The following ZMAT4 variants were observed in gnomAD, a reference collection of about 807,000 sequenced individuals.
The protein encoded by ZMAT4 is zinc finger matrin-type protein 4.
In ZMAT4, 17 loss-of-function variants were observed where a neutral mutation model predicts 28.7. The ratio of observed to expected loss-of-function variants is 0.59; its 90% CI spans 0.41 to 0.89. The LOEUF is 0.89. Among genes scored for constraint, ZMAT4 ranks in the 40% least tolerant of loss-of-function variants. The pLI, the probability that ZMAT4 is intolerant of heterozygous loss-of-function variation, is 0.00. For synonymous variants in ZMAT4, 117 were observed against 109.2 expected (o/e 1.07, Z -0.44); for missense variants, 240 against 283.8 (o/e 0.85, Z 1.11).
chr8:40,828,958 GA>G (rs113908008), intron 1 of ZMAT4, among the ~76,000 whole-genome samples: 19,415 of 143,002 alleles, frequency 0.14, 1,574 homozygotes, highest in Middle Eastern at 0.19. Context: ...TAAGAAAAAG[GA>G]AAAAAAAAAA....
At chr8:40,642,105 A>C (rs12114099) in intron 5 of ZMAT4, among the ~76,000 whole-genome samples, 19,088 of 152,154 alleles carry the variant, frequency 0.13, 1,495 homozygotes, top group African/African-American at 0.22. Flanking sequence ...TGCTCAATTA[A>C]ATTTGAATTT....
At chr8:40,688,338 C>T (rs1809509903) in intron 4 of ZMAT4, among the ~76,000 whole-genome samples, 1 of 152,028 alleles carries the variant, frequency 6.6e-6, no homozygotes. Flanking sequence ...CACCTGTAAT[C>T]CCAGCTGCTC....
rs1375572348 is a variant in ZMAT4 at position 40,786,669 on chromosome 8, C to T, written c.103-18939G>A. 2.3e-6 allele frequency: 3 copies of T among 1,285,340 alleles called. No homozygotes were observed. The South Asian group carries it at 3.7e-5, about 16-fold the overall frequency. 79.6% of individuals were successfully genotyped at this position (1,285,340 alleles called of 1,614,324 possible). The stretch of plus-strand genomic sequence containing the variant: ...CATTCATTAACCATCCTCATTCAGT[C>T]CTTGTGCCTCCCAACTTACGGGTCA... On this transcript the variant is annotated intron_variant, in intron 2 of 6. Transcript: ENST00000297737.
At chr8:40,533,929 A>G (rs573503005) in intron 6 of ZMAT4, among the ~76,000 whole-genome samples, 2 of 152,220 alleles carry the variant, frequency 1.3e-5, no homozygotes, top group African/African-American at 2.4e-5. Flanking sequence ...AAATAAGTAT[A>G]ATTTCATTTT....
intron 1 of ZMAT4, among the ~76,000 whole-genome samples, chr8:40,833,545 A>AAAAAAAAAAAAAAAAAAAAAAAAAAAAAC (rs1816367040): frequency 6.9e-6 from 1 of 144,586 alleles, no homozygotes. Flanking sequence ...TCCAGCAAAA[A>AAAAAAAAAAAAAAAAAAAAAAAAAAAAAC]AAAAAAAAAA....
intron 1 of ZMAT4, among the ~76,000 whole-genome samples, chr8:40,857,995 A>G (rs1483243666): frequency 1.3e-5 from 2 of 152,156 alleles, no homozygotes; most frequent in Admixed American, 1.3e-4. Context: ...AAGAACAATG[A>G]TTGCCTCTGG....
At chr8:40,713,151 A>T (rs1810699394) in intron 3 of ZMAT4, among the ~76,000 whole-genome samples, 1 of 152,216 alleles carries the variant, frequency 6.6e-6, no homozygotes, top group Non-Finnish European at 1.5e-5. Context: ...AAACAACAAA[A>T]TAACACATTC....
intron 5 of ZMAT4, among the ~76,000 whole-genome samples, chr8:40,603,065 C>A (rs1204419830): frequency 6.6e-6 from 1 of 152,118 alleles, no homozygotes. Context: ...AGTCTTTGAT[C>A]CATCTTGAGT....
At chr8:40,819,375 G>C (rs1216809036) in intron 2 of ZMAT4, among the ~76,000 whole-genome samples, 1 of 152,132 alleles carries the variant, frequency 6.6e-6, no homozygotes, top group Non-Finnish European at 1.5e-5. Flanking sequence ...ACAGACCAAT[G>C]CTCAATGTAT....
intron 5 of ZMAT4, among the ~76,000 whole-genome samples, chr8:40,589,766 C>CTTTCTTTCTTTCTTTCTTTCTT (rs1308357546): frequency 1.2e-3 from 160 of 134,676 alleles, no homozygotes; most frequent in African/African-American, 3.9e-3. Context: ...CTTTCTTTTT[C>CTTTCTTTCTTTCTTTCTTTCTT]TTTCTTTCTT....
chr8:40,810,307 G>A (rs989223320), intron 2 of ZMAT4, among the ~76,000 whole-genome samples: 4 of 152,096 alleles, frequency 2.6e-5, no homozygotes, highest in African/African-American at 7.2e-5. Flanking sequence ...AATAAAAGAA[G>A]ATAGATACGT....
intron 3 of ZMAT4, among the ~76,000 whole-genome samples, chr8:40,723,311 G>T (rs547227914): frequency 1.6e-3 from 250 of 152,236 alleles, no homozygotes; most frequent in African/African-American, 5.6e-3. Flanking sequence ...GGGAGGCCAA[G>T]GTGGGCAGAT....
intron 5 of ZMAT4, among the ~76,000 whole-genome samples, chr8:40,651,969 C>A (rs1369322700): frequency 1.9e-5 from 2 of 106,902 alleles, no homozygotes; most frequent in African/African-American, 3.2e-5. Context: ...GACCTAAAAC[C>A]ATAAAAACCC....
At chr8:40,704,373 T>G (rs1034064722) in intron 3 of ZMAT4, among the ~76,000 whole-genome samples, 1 of 152,186 alleles carries the variant, frequency 6.6e-6, no homozygotes, top group Non-Finnish European at 1.5e-5. Context: ...TGGGTCAAGC[T>G]GTTCTCTCTC....
chr8:40,776,098 T>G (rs544267576), intron 2 of ZMAT4, among the ~76,000 whole-genome samples: 14 of 152,348 alleles, frequency 9.2e-5, no homozygotes, highest in African/African-American at 3.4e-4. Context: ...GGTATCTTGT[T>G]ATGACACAGC....
rs1460904915 is a variant in ZMAT4, at chr8:40,881,543, A to AAAG, written c.-5+16137_-5+16139dup. On this transcript the variant is annotated intron_variant, in intron 1 of 6. Coordinates refer to ENST00000297737, the MANE Select transcript of ZMAT4 (RefSeq NM_024645.3). ...GAGAGAGAGACAGAAAGAAAGAAAG[A>AAAG]AAGAAAGAAAGAAAGAAAGAAAGAA... Among the ~76,000 whole-genome samples the AAAG allele has an allele frequency of 3.0e-5, 2 of 65,864 alleles. 1 individual carries two copies. Among genetic ancestry groups the AAAG allele is most frequent in the African/African-American group, 1.3e-4 (2 of 15,312 alleles). The allele number at this position is 65,864 out of a possible 152,430, so 43.2% of individuals were successfully genotyped here.
intron 5 of ZMAT4, among the ~76,000 whole-genome samples, chr8:40,640,820 A>T (rs1015154865): frequency 1.3e-5 from 2 of 151,926 alleles, no homozygotes; most frequent in Admixed American, 6.6e-5. Flanking sequence ...ATTAGCGGGC[A>T]TGGTGGTGCA....
intron 3 of ZMAT4, among the ~76,000 whole-genome samples, chr8:40,714,631 T>C (rs1810765385): frequency 6.6e-6 from 1 of 152,158 alleles, no homozygotes; most frequent in Non-Finnish European, 1.5e-5. Flanking sequence ...CCTTTTGTCA[T>C]GGAGTTTATA....
chr8:40,874,352 C>T (rs1817966209), intron 1 of ZMAT4, among the ~76,000 whole-genome samples: 1 of 152,194 alleles, frequency 6.6e-6, no homozygotes, highest in Non-Finnish European at 1.5e-5. Flanking sequence ...CTTTGGGGCT[C>T]ACCTGAAGAT....
Sources: allele counts gnomAD v4.1 joint callset (sites outside exome capture counted in the v4.1 genomes callset), GRCh38; gene constraint gnomAD v4.1.1; transcripts MANE v1.5; gene names NCBI Gene and HGNC (gene_info 2026-07-23, HGNC 2026-07-21).